ADAM10: variants seen among roughly 807,000 people sequenced by gnomAD.
ADAM10 encodes the protein disintegrin and metalloproteinase domain-containing protein 10.
ADAM10 carries 17 observed loss-of-function variants against 90.1 expected under a neutral mutation model. The observed-to-expected ratio is 0.19, with a 90% CI of 0.13 to 0.28. ADAM10 has a LOEUF of 0.28. Ranked by LOEUF, ADAM10 falls within the 10% of genes least tolerant of loss-of-function variation. The pLI, the probability that ADAM10 is intolerant of heterozygous loss-of-function variation, is 1.00. For missense variants in ADAM10, 610 were observed against 914.3 expected (o/e 0.67, Z 4.29); for synonymous variants, 310 against 298.6 (o/e 1.04, Z -0.40).
At chr15:58,606,103 C>A (rs1895265741) in intron 14 of ADAM10, among the ~76,000 whole-genome samples, 2 of 152,166 alleles carry the variant, frequency 1.3e-5, no homozygotes, top group Admixed American at 1.3e-4. Flanking sequence ...CGCTCACTCT[C>A]AGCAAATGCA....
chr15:58,673,244 G>C (rs867217510), intron 4 of ADAM10, among the ~76,000 whole-genome samples: 1 of 152,108 alleles, frequency 6.6e-6, no homozygotes, highest in East Asian at 1.9e-4. Context: ...CTGTAAGCCA[G>C]CATGAAAATC....
intron 2 of ADAM10, among the ~76,000 whole-genome samples, chr15:58,717,208 T>C (rs1330720563): frequency 6.6e-6 from 1 of 152,162 alleles, no homozygotes; most frequent in African/African-American, 2.4e-5. Flanking sequence ...GTAAATGATG[T>C]ATTCAATGGC....
intron 10 of ADAM10, among the ~76,000 whole-genome samples, chr15:58,623,863 T>C (rs1455768052): frequency 2.0e-5 from 3 of 151,716 alleles, no homozygotes; most frequent in Non-Finnish European, 2.9e-5. Context: ...AGCTAATGCA[T>C]GTGGGGCTTA....
rs529828868 is a variant in ADAM10, at chr15:58,633,412, A to C, written c.1013-53T>G. 6.2e-5 allele frequency: 92 copies of C among 1,477,038 alleles called. No homozygotes were observed. In the East Asian group the frequency reaches 1.2e-3, roughly 20 times the overall value. 91.5% of individuals were successfully genotyped at this position (1,477,038 alleles called of 1,614,324 possible). On this transcript the variant is annotated intron_variant, in intron 8 of 15. Transcript: ENST00000260408. The stretch of plus-strand genomic sequence containing the variant: ...TTAGTATCTGTTTCCCCTTACCCCC[A>C]AAAAGGTAATACATGCTATATTAAA...
chr15:58,670,246 T>C (rs904394749), intron 4 of ADAM10, among the ~76,000 whole-genome samples: 1 of 151,950 alleles, frequency 6.6e-6, no homozygotes, highest in South Asian at 2.1e-4. Context: ...TGGGGAAGTG[T>C]GTCCACAGAC....
intron 1 of ADAM10, among the ~76,000 whole-genome samples, chr15:58,718,897 G>C (rs989274457): frequency 5.9e-5 from 9 of 152,068 alleles, no homozygotes; most frequent in Admixed American, 6.6e-5. Context: ...AAGTTCCCTG[G>C]ACTCTACCTA....
intron 14 of ADAM10, among the ~76,000 whole-genome samples, chr15:58,607,188 C>T (rs1895301953): frequency 6.6e-6 from 1 of 152,224 alleles, no homozygotes; most frequent in Non-Finnish European, 1.5e-5. Flanking sequence ...TGGTTCTTAA[C>T]CCTGGCTCCT....
At chr15:58,618,846 AAAAT>A (rs1287736351) in intron 11 of ADAM10, among the ~76,000 whole-genome samples, 10 of 152,214 alleles carry the variant, frequency 6.6e-5, no homozygotes, top group South Asian at 2.1e-4. Context: ...AATGATCAAA[AAAAT>A]AAATAAATAA....
intron 2 of ADAM10, among the ~76,000 whole-genome samples, chr15:58,711,210 G>T (rs1898462435): frequency 6.6e-6 from 1 of 152,006 alleles, no homozygotes; most frequent in East Asian, 1.9e-4. Context: ...GAAAGTTTTT[G>T]GTTTCTTCTA....
At chr15:58,706,261 T>C (rs1056287292) in intron 2 of ADAM10, among the ~76,000 whole-genome samples, 14 of 152,126 alleles carry the variant, frequency 9.2e-5, no homozygotes, top group Non-Finnish European at 4.4e-5. Context: ...CGAGGTACTA[T>C]CAGAGTAATC....
chr15:58,656,217 T>A (rs1896826176), intron 5 of ADAM10, among the ~76,000 whole-genome samples: 1 of 152,194 alleles, frequency 6.6e-6, no homozygotes, highest in Non-Finnish European at 1.5e-5. Flanking sequence ...GTAAAATGTG[T>A]TTCTTGTATG....
At chr15:58,607,257 A>AT in intron 14 of ADAM10, among the ~76,000 whole-genome samples, 2 of 152,354 alleles carry the variant, frequency 1.3e-5, no homozygotes, top group Non-Finnish European at 2.9e-5. Flanking sequence ...AGAGATTCTG[A>AT]TTTAATTAGT....
intron 8 of ADAM10, among the ~76,000 whole-genome samples, chr15:58,635,690 TCCTG>T (rs1430662095): frequency 2.6e-5 from 4 of 152,070 alleles, no homozygotes; most frequent in African/African-American, 7.2e-5. Context: ...TAAATTAATA[TCCTG>T]CCTTAGTGAA....
chr15:58,698,559 G>A (rs1314917511), intron 2 of ADAM10, among the ~76,000 whole-genome samples: 1 of 138,390 alleles, frequency 7.2e-6, no homozygotes, highest in Non-Finnish European at 1.5e-5. Context: ...CTGGGCAACA[G>A]AGTGAGACCT....
At chr15:58,626,369 C>G (rs1209562020) in intron 10 of ADAM10, among the ~76,000 whole-genome samples, 5 of 152,148 alleles carry the variant, frequency 3.3e-5, no homozygotes, top group African/African-American at 1.2e-4. Context: ...ATCTGGAAAT[C>G]TTCCTGAATT....
chr15:58,742,990 C>G (rs1899665221), intron 1 of ADAM10, among the ~76,000 whole-genome samples: 1 of 152,044 alleles, frequency 6.6e-6, no homozygotes, highest in African/African-American at 2.4e-5. Flanking sequence ...CTGCAGAGGT[C>G]AAGGCTGCAG....
chr15:58,651,926 T>A (rs1328370407), intron 5 of ADAM10, among the ~76,000 whole-genome samples: 1 of 152,224 alleles, frequency 6.6e-6, no homozygotes, highest in Non-Finnish European at 1.5e-5. Context: ...GCCTGTCTTT[T>A]GGATAAAAGC....
intron 2 of ADAM10, among the ~76,000 whole-genome samples, chr15:58,689,377 T>G (rs1211261170): frequency 6.6e-6 from 1 of 152,096 alleles, no homozygotes; most frequent in Non-Finnish European, 1.5e-5. Flanking sequence ...TCCCAGCTAC[T>G]CAGTAGGATG....
intron 11 of ADAM10, 145 bp downstream of exon 11, chr15:58,621,326 C>T (rs1895780385): frequency 3.2e-6 from 2 of 631,862 alleles, no homozygotes; most frequent in Admixed American, 2.3e-5. Context: ...CAGTAACCAA[C>T]ACTACTTCAG....
Sources: gnomAD v4.1 joint callset for allele counts (sites outside exome capture counted in the v4.1 genomes callset) on GRCh38, gnomAD v4.1.1 for gene constraint, MANE v1.5 for transcripts, NCBI Gene and HGNC (gene_info 2026-07-23, HGNC 2026-07-21) for gene names.